TENM4: variants seen among roughly 807,000 people sequenced by gnomAD.
TENM4 encodes the protein teneurin-4.
Under a neutral mutation model 243.3 loss-of-function variants are expected in TENM4, and 82 were observed. The ratio of observed to expected loss-of-function variants is 0.34; its 90% CI spans 0.28 to 0.40. The LOEUF is 0.40. Among genes scored for constraint, TENM4 ranks in the 10% least tolerant of loss-of-function variants. The pLI is 1.00. For synonymous variants in TENM4, 1,412 were observed against 1,456.3 expected, an observed-to-expected ratio of 0.97 and a Z score of 0.69; for missense variants, 3,138 against 3,673.3, an observed-to-expected ratio of 0.85 and a Z score of 3.77.
chr11:79,124,862 T>G, intron 4 of TENM4, among the ~76,000 whole-genome samples: 1 of 140,888 alleles, frequency 7.1e-6, no homozygotes, highest in Admixed American at 7.4e-5. Flanking sequence ...TGTATATATA[T>G]GTATATGTAT....
intron 1 of TENM4, among the ~76,000 whole-genome samples, chr11:79,336,673 A>T (rs1403033909): frequency 2.0e-5 from 3 of 152,220 alleles, no homozygotes; most frequent in Admixed American, 6.5e-5. Context: ...CTTTGAAAAT[A>T]TTGCTATGAA....
rs139040634 is a variant in TENM4, at chr11:79,229,831, CT to C, written c.-264-13923del. 2.4e-4 allele frequency among the ~76,000 whole-genome samples: 35 copies of C among 148,252 alleles called. No homozygotes were observed. In the South Asian group the frequency reaches 2.6e-3, roughly 11 times the overall value. On this transcript the variant is annotated intron_variant, in intron 2 of 33. Transcript: ENST00000278550. The stretch of plus-strand genomic sequence containing the variant: ...TGATACTGCTGGAGCATTTCCTACA[CT>C]TTTTTTTTTAACAGACAAAGTACTT...
intron 2 of TENM4, among the ~76,000 whole-genome samples, chr11:79,288,805 A>G (rs965742606): frequency 2.6e-5 from 4 of 152,096 alleles, no homozygotes; most frequent in Non-Finnish European, 5.9e-5. Flanking sequence ...ATATAAAACT[A>G]GGGGGAAGGA....
rs974465033 is a variant in TENM4, at chr11:79,139,876, C to G, written c.-66+8834G>C. Among the ~76,000 whole-genome samples the G allele has an allele frequency of 2.1e-5, 3 of 141,746 alleles. No homozygotes were observed. The Admixed American group carries it at 2.3e-4, about 11-fold the overall frequency. The allele number at this position is 141,746 out of a possible 152,430, so 93.0% of individuals were successfully genotyped here. ...TATGTATTTTCCATTAGTTCTGTCC[C>G]TCTAGAGAACGCTGAGTAATACAGA... On this transcript the variant is annotated intron_variant, in intron 4 of 33. Transcript: ENST00000278550.
intron 12 of TENM4, among the ~76,000 whole-genome samples, chr11:78,830,763 T>G (rs1857963058): frequency 6.6e-6 from 1 of 152,142 alleles, no homozygotes; most frequent in African/African-American, 2.4e-5. Flanking sequence ...GCCAGGACAG[T>G]AAATTAAGAG....
chr11:78,693,721 A>T lies in TENM4; in HGVS notation c.5088-5495T>A, dbSNP rs1858884960. Among the ~76,000 whole-genome samples, 3 of 152,154 alleles carry T rather than the reference A, an allele frequency of 2.0e-5. No individual in the cohort carries two copies. In the East Asian group the frequency reaches 5.8e-4, roughly 29 times the overall value. On this transcript the variant is annotated intron_variant, in intron 28 of 33. Coordinates refer to ENST00000278550, the MANE Select transcript of TENM4 (RefSeq NM_001098816.3). ...AGCACAGTGAAAGAAAACACATAAA[A>T]CATTCATATAGGCCAGGCGCAGTGA...
Position 78,656,639 on chromosome 11 carries a change from C to T in TENM4, c.*1419G>A, listed in dbSNP as rs1857902134. 2 of 163,490 alleles carry T rather than the reference C, an allele frequency of 1.2e-5. No individual in the cohort carries two copies. Among genetic ancestry groups the T allele is most frequent in the African/African-American group, 4.8e-5 (2 of 42,036 alleles). 10.1% of individuals were successfully genotyped at this position (163,490 alleles called of 1,614,324 possible). The stretch of plus-strand genomic sequence containing the variant: ...ACAGGAATCATGCCAGCCTGGCCTC[C>T]CAGATCTACGGGCACCCACCTTGGG... On this transcript the variant is annotated 3_prime_UTR_variant, in exon 34 of 34. Coordinates refer to ENST00000278550, the MANE Select transcript of TENM4 (RefSeq NM_001098816.3).
At chr11:79,002,202 C>T (rs1049004008) in intron 6 of TENM4, among the ~76,000 whole-genome samples, 2 of 152,226 alleles carry the variant, frequency 1.3e-5, no homozygotes, top group African/African-American at 4.8e-5. Context: ...AACGTGTGCA[C>T]AGAAGCCAGC....
At chr11:79,121,905 A>T (rs1393379216) in intron 4 of TENM4, among the ~76,000 whole-genome samples, 2 of 152,240 alleles carry the variant, frequency 1.3e-5, no homozygotes, top group African/African-American at 4.8e-5. Flanking sequence ...CTTGTTTATG[A>T]GTGAACATAT....
intron 4 of TENM4, among the ~76,000 whole-genome samples, chr11:79,107,771 C>G (rs1212229793): frequency 1.3e-5 from 2 of 152,182 alleles, no homozygotes; most frequent in Non-Finnish European, 2.9e-5. Context: ...TTCTTTGCAC[C>G]TGGCATTTTC....
chr11:78,967,570 G>A (rs931315688), intron 6 of TENM4, among the ~76,000 whole-genome samples: 8 of 152,132 alleles, frequency 5.3e-5, no homozygotes, highest in East Asian at 1.9e-4. Context: ...GGCTCAGCTC[G>A]GGCAGGATGG....
intron 25 of TENM4, among the ~76,000 whole-genome samples, chr11:78,719,399 TTATAAA>T (rs1859594351): frequency 8.5e-6 from 1 of 118,174 alleles, no homozygotes; most frequent in Non-Finnish European, 1.6e-5. Context: ...TATTTACTAC[TTATAAA>T]TATATTATCT....
intron 6 of TENM4, among the ~76,000 whole-genome samples, chr11:78,964,405 T>C (rs1857398004): frequency 6.6e-6 from 1 of 152,064 alleles, no homozygotes; most frequent in African/African-American, 2.4e-5. Context: ...TTTTACAGAG[T>C]TGATGTGTGT....
chr11:79,094,021 T>C (rs1437345180), intron 4 of TENM4, among the ~76,000 whole-genome samples: 1 of 152,214 alleles, frequency 6.6e-6, no homozygotes, highest in Admixed American at 6.5e-5. Context: ...AAAAGTACAA[T>C]AGCCACATGT....
At chr11:79,300,233 T>G (rs1458213456) in intron 1 of TENM4, among the ~76,000 whole-genome samples, 1 of 152,222 alleles carries the variant, frequency 6.6e-6, no homozygotes, top group African/African-American at 2.4e-5. Flanking sequence ...TAGATATACT[T>G]CCTTTTAAGC....
intron 3 of TENM4, among the ~76,000 whole-genome samples, chr11:79,154,874 G>A (rs1379501793): frequency 1.3e-5 from 2 of 152,156 alleles, no homozygotes; most frequent in African/African-American, 4.8e-5. Flanking sequence ...TGTCCTCAGG[G>A]GGCCAAGCAT....
chr11:78,718,354 C>A (rs574326), intron 25 of TENM4, among the ~76,000 whole-genome samples: 6,213 of 152,132 alleles, frequency 0.041, 272 homozygotes, highest in African/African-American at 0.11. Flanking sequence ...AATTAATTGA[C>A]GAAGGGTTTA....
chr11:78,868,031 C>T (rs1178373049), intron 9 of TENM4, among the ~76,000 whole-genome samples: 1 of 146,994 alleles, frequency 6.8e-6, no homozygotes, highest in Non-Finnish European at 1.5e-5. Flanking sequence ...TGTATAGCAG[C>T]TGAGTGCGTG....
intron 28 of TENM4, among the ~76,000 whole-genome samples, chr11:78,697,103 T>G (rs1304821209): frequency 6.6e-6 from 1 of 152,170 alleles, no homozygotes; most frequent in African/African-American, 2.4e-5. Flanking sequence ...TTCCTCACTC[T>G]TTTCTGTGGG....
Sources: allele counts gnomAD v4.1 joint callset (sites outside exome capture counted in the v4.1 genomes callset), GRCh38; gene constraint gnomAD v4.1.1; transcripts MANE v1.5; gene names NCBI Gene and HGNC (gene_info 2026-07-23, HGNC 2026-07-21).